The following KIAA0232 variants were observed in gnomAD, a reference collection of about 807,000 sequenced individuals.
KIAA0232 encodes the protein uncharacterized protein KIAA0232.
KIAA0232 carries 27 observed loss-of-function variants against 122.0 expected under a neutral mutation model. The observed-to-expected ratio is 0.22, with a 90% CI of 0.16 to 0.31. The LOEUF is 0.31. Ranked by LOEUF, KIAA0232 falls within the 10% of genes least tolerant of loss-of-function variation. The pLI is 1.00. For synonymous variants in KIAA0232, 613 were observed against 587.6 expected, an observed-to-expected ratio of 1.04 and a Z score of -0.63; for missense variants, 1,551 against 1,634.2, an observed-to-expected ratio of 0.95 and a Z score of 0.88.
At chr4:6,841,429 T>G (rs1719656506) in intron 3 of KIAA0232, among the ~76,000 whole-genome samples, 1 of 152,360 alleles carries the variant, frequency 6.6e-6, no homozygotes, top group South Asian at 2.1e-4. Context: ...AGATACAAAT[T>G]TAACAGAATT....
chr4:6,797,810 G>A (rs1479294939), intron 1 of KIAA0232, among the ~76,000 whole-genome samples: 10 of 145,946 alleles, frequency 6.9e-5, no homozygotes, highest in African/African-American at 2.5e-4. Flanking sequence ...GGTGGCTCAC[G>A]CCTGTAATCC....
intron 9 of KIAA0232, among the ~76,000 whole-genome samples, 171 bp from the exon 10 acceptor site, chr4:6,880,616 G>C (rs1722021002): frequency 1.3e-5 from 2 of 152,256 alleles, no homozygotes; most frequent in South Asian, 4.1e-4. Flanking sequence ...ATCCTTCATG[G>C]ATCAGAGAAG....
chr4:6,854,041 G>C (rs1034086957), intron 4 of KIAA0232, among the ~76,000 whole-genome samples: 5 of 152,096 alleles, frequency 3.3e-5, no homozygotes, highest in African/African-American at 1.2e-4. Context: ...AATCCAGAGG[G>C]GTTTTGGTGG....
intron 4 of KIAA0232, among the ~76,000 whole-genome samples, chr4:6,850,352 C>A (rs190293699): frequency 6.6e-6 from 1 of 152,146 alleles, no homozygotes; most frequent in African/African-American, 2.4e-5. Context: ...CATCATACCC[C>A]GCTTGGTGTT....
Position 6,881,336 on chromosome 4 carries a change from C to T in KIAA0232, c.*370C>T. On this transcript the variant is annotated 3_prime_UTR_variant, in exon 10 of 10. Coordinates refer to ENST00000307659, the MANE Select transcript of KIAA0232 (RefSeq NM_014743.3). ...TTACTAGCATTGCAGTGTCAACAACCACTTCTGCTCTTCAGAGACTTCAGC... is the reference window on the plus strand; with the variant it reads ...TTACTAGCATTGCAGTGTCAACAACTACTTCTGCTCTTCAGAGACTTCAGC... The T allele has an allele frequency of 6.4e-6, 1 of 156,940 alleles. No homozygotes were observed. The highest frequency in any genetic ancestry group is 1.4e-5 in the Non-Finnish European group (1 of 71,376). The allele number at this position is 156,940 out of a possible 1,614,324, so 9.7% of individuals were successfully genotyped here.
rs146413243 is a variant in KIAA0232, at chr4:6,838,298, C to T, written c.232-3769C>T. Among the ~76,000 whole-genome samples the T allele has an allele frequency of 4.6e-3, 705 of 152,082 alleles. 4 individuals carry two copies. The highest frequency in any genetic ancestry group is 0.016 in the African/African-American group (668 of 41,474). ...CCGCCTCCCAGGCTCAAGCAATTCT[C>T]CCACCTCAGCCTTCCAAGTAGCTGG... On this transcript the variant is annotated intron_variant, in intron 3 of 9. Transcript: ENST00000307659.
At chr4:6,868,796 A>G (rs1478630571) in intron 7 of KIAA0232, among the ~76,000 whole-genome samples, 1 of 152,224 alleles carries the variant, frequency 6.6e-6, no homozygotes, top group Non-Finnish European at 1.5e-5. Flanking sequence ...TGTCATAACA[A>G]GATGCATATT....
chr4:6,848,637 A>G (rs1189182558), intron 4 of KIAA0232, among the ~76,000 whole-genome samples: 1 of 152,188 alleles, frequency 6.6e-6, no homozygotes, highest in Non-Finnish European at 1.5e-5. Context: ...TGGTATCCTC[A>G]GGGGGTCCTG....
At chr4:6,837,661 C>T (rs112295257) in intron 3 of KIAA0232, among the ~76,000 whole-genome samples, 5,900 of 152,308 alleles carry the variant, frequency 0.039, 365 homozygotes, top group African/African-American at 0.13. Flanking sequence ...TCTGCAATCC[C>T]GGCACCTCGG....
intron 2 of KIAA0232, among the ~76,000 whole-genome samples, chr4:6,823,516 T>C (rs1560174997): frequency 6.6e-6 from 1 of 152,214 alleles, no homozygotes; most frequent in East Asian, 1.9e-4. Context: ...TTGTATGAAA[T>C]CAGAGATGAC....
chr4:6,817,068 A>T (rs1486420771), intron 2 of KIAA0232, among the ~76,000 whole-genome samples: 1 of 151,856 alleles, frequency 6.6e-6, no homozygotes, highest in Non-Finnish European at 1.5e-5. Context: ...TTCTGCTCTG[A>T]GCTTTTTTCT....
At chr4:6,858,045 A>G (rs1476026142) in intron 5 of KIAA0232, among the ~76,000 whole-genome samples, 1 of 152,272 alleles carries the variant, frequency 6.6e-6, no homozygotes, top group Non-Finnish European at 1.5e-5. Flanking sequence ...GTTTTGGTCA[A>G]GATGAGTCAA....
intron 1 of KIAA0232, among the ~76,000 whole-genome samples, chr4:6,784,438 G>A (rs866209794): frequency 6.6e-6 from 1 of 152,086 alleles, no homozygotes; most frequent in Non-Finnish European, 1.5e-5. Flanking sequence ...GTGAGGGCGG[G>A]GGGGGAGGAG....
At chr4:6,797,759 GA>G (rs1174421312) in intron 1 of KIAA0232, among the ~76,000 whole-genome samples, 1 of 122,740 alleles carries the variant, frequency 8.1e-6, no homozygotes, top group Non-Finnish European at 1.6e-5. Context: ...GACAGAGCCA[GA>G]CCCTGCCTCT....
intron 8 of KIAA0232, among the ~76,000 whole-genome samples, chr4:6,875,196 G>A (rs373969887): frequency 1.3e-5 from 2 of 152,246 alleles, no homozygotes; most frequent in African/African-American, 4.8e-5. Flanking sequence ...CTATGGCTTT[G>A]ATAAGCAGCG....
Position 6,863,780 on chromosome 4 carries a change from C to T in KIAA0232, c.3398C>T (p.Ala1133Val), listed in dbSNP as rs201550415. The T allele has an allele frequency of 1.7e-4, 268 of 1,614,166 alleles. No individual in the cohort carries two copies. In the African/African-American group the frequency reaches 3.1e-3, roughly 19 times the overall value. ...ESEFESEKDE[A>V]NIPIPSQVDI... ...GAATTTGAATCTGAGAAAGATGAAGCAAATATTCCCATTCCTTCTCAAGTT... is the reference window on the plus strand; with the variant it reads ...GAATTTGAATCTGAGAAAGATGAAGTAAATATTCCCATTCCTTCTCAAGTT... The change falls in exon 7 of 10, where the codon GCA becomes GTA. Residue 1133 changes from alanine to valine, a missense_variant. Ala to Val is a moderately conservative substitution (Grantham distance 64). This residue lies in a region of KIAA0232 where 1,108 missense variants were observed against 1,154.8 expected (regional missense o/e 0.96). Transcript: ENST00000307659.
At position 6,864,022 on chromosome 4, in the gene KIAA0232, A is replaced by G. The variant is rs1209819072; in HGVS notation, c.3640A>G (p.Ser1214Gly). 1.9e-6 allele frequency: 3 copies of G among 1,614,206 alleles called. No homozygotes were observed. Among genetic ancestry groups the G allele is most frequent in the Non-Finnish European group, 2.5e-6 (3 of 1,180,024 alleles). ...AAAGCAAAATCAGTGTTTGGAATGT[A>G]GCATGAATGAATCCCTGGAAATAGA... Reference protein sequence around the residue: ...VGKQNQCLECSMNESLEIDLE... With the variant: ...VGKQNQCLECGMNESLEIDLE... Residue 1214 changes from serine to glycine, a missense_variant, in exon 7 of 10, where the codon AGC becomes GGC. Ser to Gly is a moderately conservative substitution (Grantham distance 56, BLOSUM62 0). Coordinates refer to ENST00000307659, the MANE Select transcript of KIAA0232 (RefSeq NM_014743.3).
chr4:6,843,927 C>CTTTTTTTTTTTTTTTTTTTTTT (rs373793407), intron 4 of KIAA0232, among the ~76,000 whole-genome samples: 3 of 46,360 alleles, frequency 6.5e-5, no homozygotes, highest in African/African-American at 2.0e-4. Context: ...AGTTACCCAT[C>CTTTTTTTTTTTTTTTTTTTTTT]TTTTTTTTTT....
intron 1 of KIAA0232, among the ~76,000 whole-genome samples, chr4:6,785,893 CCTT>C (rs1362494925): frequency 6.6e-6 from 1 of 152,202 alleles, no homozygotes; most frequent in Non-Finnish European, 1.5e-5. Context: ...CTATTTCAGA[CCTT>C]CTTTGCTTAT....
Sources: allele counts gnomAD v4.1 joint callset (sites outside exome capture counted in the v4.1 genomes callset), GRCh38; gene constraint gnomAD v4.1.1; regional missense constraint gnomAD v4.1.1; transcripts MANE v1.5; gene names NCBI Gene and HGNC (gene_info 2026-07-23, HGNC 2026-07-21).